PTPRS: variants seen among roughly 807,000 people sequenced by gnomAD.
The protein encoded by PTPRS is protein tyrosine phosphatase receptor type S.
A neutral mutation model predicts 215.3 loss-of-function variants in PTPRS; 63 were observed. That is an observed-to-expected ratio of 0.29 (90% CI 0.24 to 0.36). The LOEUF is 0.36. Among genes scored for constraint, PTPRS ranks in the 10% least tolerant of loss-of-function variants. The pLI is 1.00. For missense variants in PTPRS, 2,258 were observed against 2,825.8 expected (o/e 0.80, Z 4.56); for synonymous variants, 1,404 against 1,191.4 (o/e 1.18, Z -3.68).
At chr19:5,219,188 C>A (rs774483291) in intron 23 of PTPRS, 122 bp downstream of exon 23, 104 of 1,351,390 alleles carry the variant, frequency 7.7e-5, no homozygotes, top group Non-Finnish European at 1.0e-4. Context: ...CCTCTCTGAA[C>A]TTCGGTTTCC....
chr19:5,292,222 C>G (rs1302102677), intron 1 of PTPRS, among the ~76,000 whole-genome samples: 1 of 152,186 alleles, frequency 6.6e-6, no homozygotes, highest in Non-Finnish European at 1.5e-5. Flanking sequence ...CCAGCTCCAC[C>G]TGGCACTTTA....
chr19:5,282,712 G>A (rs193076126), intron 2 of PTPRS, among the ~76,000 whole-genome samples: 102 of 151,478 alleles, frequency 6.7e-4, no homozygotes, highest in Non-Finnish European at 1.2e-3. Flanking sequence ...TGAGGCAGGA[G>A]AACTGCTTGA....
chr19:5,262,670 G>A (rs1485625027), intron 6 of PTPRS, among the ~76,000 whole-genome samples: 3 of 152,222 alleles, frequency 2.0e-5, no homozygotes, highest in South Asian at 4.1e-4. Context: ...ACCCCCCTCA[G>A]CCTGCATTTT....
chr19:5,317,679 T>A (rs1600111098), intron 1 of PTPRS, among the ~76,000 whole-genome samples: 1 of 151,980 alleles, frequency 6.6e-6, no homozygotes, highest in East Asian at 1.9e-4. Flanking sequence ...AGCAAACATC[T>A]CAAATAAGAG....
At position 5,218,778 on chromosome 19, in the gene PTPRS, G is replaced by C. The variant is rs200711071; in HGVS notation, c.3935+9C>G. 5.6e-6 allele frequency: 9 copies of C among 1,609,990 alleles called. No homozygotes were observed. In the African/African-American group the frequency reaches 6.7e-5, roughly 12 times the overall value. Reference sequence around the variant, plus strand: ...CCTGAAGCCTCCACGGGGGAGGGCTGGTTCTTACCTGTCGGGTTTGCTGTT... The same window carrying C: ...CCTGAAGCCTCCACGGGGGAGGGCTCGTTCTTACCTGTCGGGTTTGCTGTT... On this transcript the variant is annotated intron_variant, in intron 24 of 37. Transcript: ENST00000262963.
intron 1 of PTPRS, among the ~76,000 whole-genome samples, chr19:5,305,917 G>A (rs1487895870): frequency 1.0e-4 from 10 of 96,870 alleles, no homozygotes; most frequent in Admixed American, 4.4e-4. Context: ...TCCAGCCTGG[G>A]CGACAGAGCA....
At chr19:5,218,244 T>C (rs34456356) in intron 25 of PTPRS, among the ~76,000 whole-genome samples, 176 bp downstream of exon 25, 8,011 of 151,254 alleles carry the variant, frequency 0.053, 263 homozygotes, top group Non-Finnish European at 0.071. Context: ...AGAACCAACC[T>C]ATGAGTTCCA....
intron 1 of PTPRS, among the ~76,000 whole-genome samples, chr19:5,319,116 A>G (rs1375163533): frequency 6.6e-6 from 1 of 152,196 alleles, no homozygotes; most frequent in East Asian, 1.9e-4. Context: ...CTCTACCTTC[A>G]AAAGCCATCC....
At chr19:5,326,185 C>T (rs1265644446) in intron 1 of PTPRS, among the ~76,000 whole-genome samples, 3 of 152,094 alleles carry the variant, frequency 2.0e-5, no homozygotes, top group Admixed American at 6.5e-5. Context: ...GAGCCGAGAT[C>T]GGGCCATTGC....
At chr19:5,279,245 C>T (rs2047651490) in intron 2 of PTPRS, among the ~76,000 whole-genome samples, 1 of 152,100 alleles carries the variant, frequency 6.6e-6, no homozygotes, top group African/African-American at 2.4e-5. Flanking sequence ...AACAGTGCTG[C>T]CTCCAGGGAG....
intron 1 of PTPRS, among the ~76,000 whole-genome samples, chr19:5,313,521 T>A (rs906433662): frequency 5.9e-5 from 9 of 152,056 alleles, no homozygotes; most frequent in African/African-American, 1.9e-4. Flanking sequence ...GTGACAGAGA[T>A]GGGCAGGCCT....
intron 1 of PTPRS, among the ~76,000 whole-genome samples, chr19:5,312,533 T>C (rs1046779740): frequency 1.3e-5 from 2 of 151,952 alleles, no homozygotes; most frequent in Non-Finnish European, 2.9e-5. Flanking sequence ...TGGTGGCGCA[T>C]GCCTGTAGTC....
Position 5,210,360 on chromosome 19 carries a change from C to T in PTPRS, c.5487+109G>A. 3 of 1,484,398 alleles carry T rather than the reference C, an allele frequency of 2.0e-6. No homozygotes were observed. The highest frequency in any genetic ancestry group is 1.8e-6 in the Non-Finnish European group (2 of 1,085,002). The allele number at this position is 1,484,398 out of a possible 1,614,324, so 92.0% of individuals were successfully genotyped here. ...TGGTCAGCTGACACTTCTCCTGATT[C>T]CCAATGCTTATGCCTAACCCTTGGC... On this transcript the variant is annotated intron_variant, in intron 35 of 37. Transcript: ENST00000262963. The surrounding 1 kb of genome is among the most constrained non-coding windows in gnomAD (Gnocchi z 4.5).
intron 1 of PTPRS, among the ~76,000 whole-genome samples, chr19:5,298,688 C>T (rs1231118847): frequency 2.0e-5 from 3 of 152,252 alleles, no homozygotes; most frequent in Admixed American, 6.5e-5. Flanking sequence ...CGCACCGCAG[C>T]GGGCATGATG....
chr19:5,266,149 C>T (rs1010336145), intron 4 of PTPRS, among the ~76,000 whole-genome samples: 2 of 151,982 alleles, frequency 1.3e-5, no homozygotes, highest in African/African-American at 4.8e-5. Flanking sequence ...ATCCCAGCTA[C>T]CCGGGAGACT....
intron 16 of PTPRS, among the ~76,000 whole-genome samples, chr19:5,228,883 C>T (rs1280935205): frequency 6.6e-6 from 1 of 152,186 alleles, no homozygotes. Flanking sequence ...GACAGCATAT[C>T]CAGAGAGAGG....
In PTPRS at chr19:5,339,682, G is replaced by A. The variant is rs1369435982; in HGVS notation, c.-95+982C>T. On this transcript the variant is annotated intron_variant, in intron 1 of 37. Coordinates refer to ENST00000262963, the MANE Select transcript of PTPRS (RefSeq NM_002850.4). This position sits in a 1 kb window ranked among gnomAD's most constrained non-coding sequence, Gnocchi z 4.2. ...CGGCGCGGGCACTCTAACCTGGGGG[G>A]CTCCCCTCAGGGCACGCCCCGCGCC... 2.0e-5 allele frequency among the ~76,000 whole-genome samples: 3 copies of A among 151,896 alleles called. No homozygotes were observed. The highest frequency in any genetic ancestry group is 6.5e-5 in the Admixed American group (1 of 15,274).
At chr19:5,264,935 TG>T (rs1283072521) in intron 5 of PTPRS, 72 bp downstream of exon 5, 1 of 1,522,330 alleles carries the variant, frequency 6.6e-7, no homozygotes, top group Non-Finnish European at 9.0e-7. Flanking sequence ...CCCCAGAACT[TG>T]GGCCCTGGAG....
chr19:5,283,948 C>G (rs1048998572), intron 2 of PTPRS, among the ~76,000 whole-genome samples: 9 of 152,060 alleles, frequency 5.9e-5, no homozygotes, highest in Admixed American at 1.3e-4. Context: ...GGCACTGGGA[C>G]TCACGCCTGT....
Sources: allele counts gnomAD v4.1 joint callset (sites outside exome capture counted in the v4.1 genomes callset), GRCh38; gene constraint gnomAD v4.1.1; non-coding constraint Gnocchi (gnomAD v3.1); transcripts MANE v1.5; gene names NCBI Gene and HGNC (gene_info 2026-07-23, HGNC 2026-07-21).